UCHL3: variants seen among roughly 807,000 people sequenced by gnomAD.
UCHL3 encodes ubiquitin carboxyl-terminal hydrolase isozyme L3.
Under a neutral mutation model 35.8 loss-of-function variants are expected in UCHL3, and 22 were observed. The ratio of observed to expected loss-of-function variants is 0.61; its 90% CI spans 0.44 to 0.88. UCHL3 has a LOEUF of 0.88. UCHL3 is among the 40% of genes least tolerant of loss of function. The probability of loss-of-function intolerance (pLI) is 0.00; values close to 1 mark genes in which losing one functional copy is unlikely to be tolerated. For synonymous variants in UCHL3, 90 were observed against 92.8 expected, an observed-to-expected ratio of 0.97 and a Z score of 0.17; for missense variants, 229 against 276.9, an observed-to-expected ratio of 0.83 and a Z score of 1.23.
chr13:75,604,619 G>A (rs752351086), intron 7 of UCHL3, 150 bp from the exon 8 acceptor site: 2 of 447,402 alleles, frequency 4.5e-6, no homozygotes, highest in South Asian at 8.1e-5. Context: ...AATATTCATG[G>A]TAGCACATTA....
At position 75,594,972 on chromosome 13, in the gene UCHL3, G is replaced by A; in HGVS notation, c.532G>A (p.Gly178Arg). 1 of 1,606,338 alleles carries A rather than the reference G, an allele frequency of 6.2e-7. No homozygotes were observed. Among genetic ancestry groups the A allele is most frequent in the African/African-American group, 1.3e-5 (1 of 74,536 alleles). Residue 178 changes from glycine to arginine, a missense_variant, in exon 7 of 9, where the codon GGG becomes AGG. Gly to Arg is a moderately radical substitution (Grantham distance 125). Transcript: ENST00000377595. Reference protein sequence around the residue: ...LHFIALVHVDGHLYELDGRKP... With the variant: ...LHFIALVHVDRHLYELDGRKP... ...TTTTATTGCATTAGTTCATGTAGAT[G>A]GGCATCTCTATGAATTAGGTAAGAA...
At chr13:75,584,279 G>A (rs1036857984) in intron 6 of UCHL3, among the ~76,000 whole-genome samples, 1 of 152,128 alleles carries the variant, frequency 6.6e-6, no homozygotes. Context: ...GGTCTCAAAT[G>A]TGTGGGGATG....
chr13:75,571,216 T>A (rs985734650), intron 6 of UCHL3, among the ~76,000 whole-genome samples: 12 of 152,370 alleles, frequency 7.9e-5, no homozygotes, highest in Middle Eastern at 3.4e-3. Context: ...AGCAATTAAA[T>A]GCTTTAATAC....
intron 2 of UCHL3, among the ~76,000 whole-genome samples, chr13:75,555,866 T>G (rs2031279288): frequency 6.6e-6 from 1 of 152,224 alleles, no homozygotes; most frequent in Non-Finnish European, 1.5e-5. Flanking sequence ...TAGCTGGGAC[T>G]ACAGGCATGT....
At chr13:75,604,921 GGA>G (rs2032890091) in intron 8 of UCHL3, 94 bp downstream of exon 8, 2 of 1,068,182 alleles carry the variant, frequency 1.9e-6, no homozygotes, top group Non-Finnish European at 2.6e-6. Context: ...CTTTGTATTT[GGA>G]TACTTCTTTA....
At chr13:75,552,926 T>C (rs960767035) in intron 2 of UCHL3, among the ~76,000 whole-genome samples, 2 of 152,236 alleles carry the variant, frequency 1.3e-5, no homozygotes, top group Non-Finnish European at 2.9e-5. Flanking sequence ...GATTTTTGTT[T>C]ATATGGACCC....
In UCHL3 at chr13:75,604,883, T is replaced by C. The variant is rs919514271; in HGVS notation, c.609+56T>C. 1.5e-5 allele frequency: 21 copies of C among 1,394,500 alleles called. 1 individual carries two copies. In the Middle Eastern group the frequency reaches 1.1e-3, roughly 73 times the overall value. 86.4% of individuals were successfully genotyped at this position (1,394,500 alleles called of 1,614,324 possible). The stretch of plus-strand genomic sequence containing the variant: ...TCAATATTTTGTCATCTTTAAAACA[T>C]CTCTAAAGGTCACTTGCATAACATT... On this transcript the variant is annotated intron_variant, in intron 8 of 8. Transcript: ENST00000377595.
chr13:75,575,393 G>A (rs1010104602), intron 6 of UCHL3, among the ~76,000 whole-genome samples: 2 of 152,212 alleles, frequency 1.3e-5, no homozygotes, highest in African/African-American at 4.8e-5. Context: ...AGGAAACAAT[G>A]AGGAAATTAA....
chr13:75,605,161 C>T (rs2032901034), intron 8 of UCHL3, among the ~76,000 whole-genome samples: 1 of 152,120 alleles, frequency 6.6e-6, no homozygotes, highest in South Asian at 2.1e-4. Flanking sequence ...AATTGTGTGG[C>T]TTAGAATCAA....
chr13:75,550,389 G>C (rs1319846017), intron 2 of UCHL3, among the ~76,000 whole-genome samples: 1 of 151,912 alleles, frequency 6.6e-6, no homozygotes, highest in Non-Finnish European at 1.5e-5. Flanking sequence ...TTGTAAACTC[G>C]CCCACCCAGT....
At chr13:75,549,735 G>A, upstream of UCHL3, 1 of 1,422,102 alleles carries the variant, frequency 7.0e-7, no homozygotes. Context: ...GTGTTGGGAG[G>A]GCCCAGGTCA....
intron 2 of UCHL3, among the ~76,000 whole-genome samples, chr13:75,551,281 A>C (rs920393120): frequency 8.6e-5 from 13 of 152,046 alleles, no homozygotes; most frequent in Admixed American, 6.5e-5. Flanking sequence ...AAATACAAAA[A>C]TTAGACGGGC....
At chr13:75,587,415 G>A (rs929033230) in intron 6 of UCHL3, among the ~76,000 whole-genome samples, 1 of 151,944 alleles carries the variant, frequency 6.6e-6, no homozygotes, top group Non-Finnish European at 1.5e-5. Context: ...TTAAAATATG[G>A]GAGATTAGGA....
chr13:75,574,496 G>A lies in UCHL3; in HGVS notation c.474+4989G>A, dbSNP rs1231094526. Among the ~76,000 whole-genome samples the A allele has an allele frequency of 3.9e-5, 6 of 152,136 alleles. No individual in the cohort carries two copies. In the East Asian group the frequency reaches 7.7e-4, roughly 20 times the overall value. ...TAAGAATTACATAGTTTGAAGGTAA[G>A]AGCACAGGATATAGGTTTGTATACT... On this transcript the variant is annotated intron_variant, in intron 6 of 8. Coordinates refer to ENST00000377595, the MANE Select transcript of UCHL3 (RefSeq NM_006002.5).
chr13:75,572,892 T>C (rs1172454883), intron 6 of UCHL3, among the ~76,000 whole-genome samples: 1 of 152,190 alleles, frequency 6.6e-6, no homozygotes, highest in Non-Finnish European at 1.5e-5. Flanking sequence ...AAAATCTGTA[T>C]GTTTCAAAAT....
chr13:75,581,599 C>G (rs1316109019), intron 6 of UCHL3, among the ~76,000 whole-genome samples: 1 of 146,624 alleles, frequency 6.8e-6, no homozygotes, highest in Admixed American at 6.9e-5. Flanking sequence ...CTCAAGTGAT[C>G]TTTCTGCCCT....
chr13:75,588,309 A>T (rs1691447669), intron 6 of UCHL3, among the ~76,000 whole-genome samples: 1 of 151,958 alleles, frequency 6.6e-6, no homozygotes, highest in African/African-American at 2.4e-5. Flanking sequence ...TTTTTTCTCC[A>T]CTATTTATTA....
chr13:75,552,615 A>G (rs1305055043), intron 2 of UCHL3, among the ~76,000 whole-genome samples: 1 of 152,226 alleles, frequency 6.6e-6, no homozygotes, highest in Admixed American at 6.5e-5. Context: ...CCTTTTAAGG[A>G]TACTGTGTTA....
At chr13:75,602,888 A>T (rs1035781101) in intron 7 of UCHL3, among the ~76,000 whole-genome samples, 2 of 152,222 alleles carry the variant, frequency 1.3e-5, no homozygotes, top group Non-Finnish European at 2.9e-5. Flanking sequence ...GTTGTTTAAC[A>T]ATCTTAGTCT....
Sources: gnomAD v4.1 joint callset for allele counts (sites outside exome capture counted in the v4.1 genomes callset) on GRCh38, gnomAD v4.1.1 for gene constraint, MANE v1.5 for transcripts, NCBI Gene and HGNC (gene_info 2026-07-23, HGNC 2026-07-21) for gene names.